Variants in CLSTN2 observed in about 807,000 individuals in gnomAD.
CLSTN2 encodes the protein calsyntenin-2.
In CLSTN2, 48 loss-of-function variants were observed where a neutral mutation model predicts 101.2. That is an observed-to-expected ratio of 0.47 (90% confidence interval 0.38 to 0.60). The LOEUF is 0.60. Ranked by LOEUF, CLSTN2 falls within the 20% of genes least tolerant of loss-of-function variation. The pLI is 0.00. For missense variants in CLSTN2, 1,160 were observed against 1,238.2 expected (o/e 0.94, Z 0.95); for synonymous variants, 481 against 463.6 (o/e 1.04, Z -0.48).
At chr3:140,292,578 C>T (rs938001221) in intron 2 of CLSTN2, among the ~76,000 whole-genome samples, 6 of 152,194 alleles carry the variant, frequency 3.9e-5, no homozygotes, top group African/African-American at 1.4e-4. Flanking sequence ...CCCAGCACTT[C>T]AGGCCTGTTA....
At chr3:140,401,959 C>A (rs943465289) in intron 2 of CLSTN2, among the ~76,000 whole-genome samples, 20 of 152,128 alleles carry the variant, frequency 1.3e-4, no homozygotes, top group African/African-American at 4.8e-4. Context: ...CTTACTGGAA[C>A]TGGGTCCATA....
At chr3:140,058,245 G>A (rs1176485939) in intron 1 of CLSTN2, among the ~76,000 whole-genome samples, 2 of 152,198 alleles carry the variant, frequency 1.3e-5, no homozygotes, top group African/African-American at 4.8e-5. Context: ...TAAATCCCAG[G>A]CAGTAGAGCA....
chr3:140,556,766 G>A (rs575200011), intron 11 of CLSTN2, 105 bp downstream of exon 11: 31 of 1,120,970 alleles, frequency 2.8e-5, no homozygotes, highest in African/African-American at 1.2e-4. Flanking sequence ...GTTGCCTTTC[G>A]TCAGCTGTCC....
chr3:140,175,395 T>G (rs530107043), intron 1 of CLSTN2, among the ~76,000 whole-genome samples: 1 of 152,248 alleles, frequency 6.6e-6, no homozygotes, highest in Admixed American at 6.5e-5. Context: ...CAAATATCTG[T>G]TTTATCTTTG....
At chr3:140,453,525 G>A (rs528066813) in intron 6 of CLSTN2, among the ~76,000 whole-genome samples, 3 of 152,270 alleles carry the variant, frequency 2.0e-5, no homozygotes, top group African/African-American at 4.8e-5. Flanking sequence ...AAAAGATCAT[G>A]TAGTTCTAGT....
At chr3:140,230,990 G>A (rs568327291) in intron 2 of CLSTN2, among the ~76,000 whole-genome samples, 1 of 152,262 alleles carries the variant, frequency 6.6e-6, no homozygotes. Context: ...GCAATAAAAG[G>A]TCTCAAACTT....
intron 1 of CLSTN2, among the ~76,000 whole-genome samples, chr3:140,115,485 C>T (rs2009226653): frequency 1.3e-5 from 2 of 152,126 alleles, no homozygotes; most frequent in Non-Finnish European, 2.9e-5. Context: ...GGCCTCACTC[C>T]CTGCTCTTCA....
chr3:140,063,836 A>G (rs1023481997), intron 1 of CLSTN2, among the ~76,000 whole-genome samples: 2 of 152,106 alleles, frequency 1.3e-5, no homozygotes, highest in Non-Finnish European at 2.9e-5. Context: ...GAAGGGGACT[A>G]ATAACTACTT....
intron 9 of CLSTN2, among the ~76,000 whole-genome samples, chr3:140,536,424 C>T (rs1222504503): frequency 6.6e-6 from 1 of 152,158 alleles, no homozygotes; most frequent in East Asian, 1.9e-4. Flanking sequence ...ATAGCATGAT[C>T]TAGTTTCTGT....
At chr3:140,448,312 A>C (rs996667829) in intron 5 of CLSTN2, among the ~76,000 whole-genome samples, 2 of 152,152 alleles carry the variant, frequency 1.3e-5, no homozygotes, top group South Asian at 4.1e-4. Context: ...AGCTGGGTGC[A>C]GTTTTCTGTG....
intron 1 of CLSTN2, among the ~76,000 whole-genome samples, chr3:139,988,650 A>G (rs1936067914): frequency 1.3e-5 from 2 of 152,140 alleles, no homozygotes; most frequent in Admixed American, 1.3e-4. Flanking sequence ...GTGGTTTGGA[A>G]GGCTTTCTGG....
At chr3:140,409,086 A>G (rs1033673556) in intron 4 of CLSTN2, among the ~76,000 whole-genome samples, 10 of 152,142 alleles carry the variant, frequency 6.6e-5, no homozygotes, top group African/African-American at 2.4e-4. Flanking sequence ...TCTAACTCCT[A>G]TTGGTGGCCC....
At chr3:140,008,675 G>A (rs936986944) in intron 1 of CLSTN2, among the ~76,000 whole-genome samples, 3 of 152,224 alleles carry the variant, frequency 2.0e-5, no homozygotes, top group Non-Finnish European at 4.4e-5. Context: ...GAGTTTCAAA[G>A]TTAACAGAAT....
At chr3:140,530,921 A>C (rs748947109) in intron 8 of CLSTN2, among the ~76,000 whole-genome samples, 2 of 152,162 alleles carry the variant, frequency 1.3e-5, no homozygotes, top group Non-Finnish European at 2.9e-5. Flanking sequence ...TTGCTTGGCT[A>C]TCCTTGATTG....
chr3:140,139,241 A>G (rs1294399167), intron 1 of CLSTN2, among the ~76,000 whole-genome samples: 1 of 152,172 alleles, frequency 6.6e-6, no homozygotes, highest in Non-Finnish European at 1.5e-5. Flanking sequence ...CTGGCCTCCT[A>G]AGCTACTAAG....
intron 1 of CLSTN2, among the ~76,000 whole-genome samples, chr3:139,942,066 C>T (rs1235176648): frequency 1.3e-5 from 2 of 152,178 alleles, no homozygotes; most frequent in Non-Finnish European, 2.9e-5. Context: ...TTCCCCTCTT[C>T]ACACAGGCTT....
chr3:140,501,007 T>C (rs1934564030), intron 8 of CLSTN2, among the ~76,000 whole-genome samples: 4 of 152,178 alleles, frequency 2.6e-5, no homozygotes, highest in Admixed American at 2.0e-4. Context: ...CTCTCACTTC[T>C]AGTTGAGTGT....
chr3:140,301,486 A>G (rs1457223092), intron 2 of CLSTN2, among the ~76,000 whole-genome samples: 2 of 152,200 alleles, frequency 1.3e-5, no homozygotes, highest in African/African-American at 4.8e-5. Flanking sequence ...CTGCTTTTAC[A>G]TTTGCTCTGT....
In CLSTN2 at chr3:140,460,201, A is replaced by G. The variant is rs559085092; in HGVS notation, c.1222+432A>G. The G allele has an allele frequency of 1.6e-5, 3 of 187,044 alleles. No individual in the cohort carries two copies. In the East Asian group the frequency reaches 3.7e-4, roughly 23 times the overall value. 11.6% of individuals were successfully genotyped at this position (187,044 alleles called of 1,614,324 possible). The stretch of plus-strand genomic sequence containing the variant: ...CTATCTTTTGAATAAAGTACTGCTA[A>G]TTTAGAATAGTAGTTTGAAAACCTC... On this transcript the variant is annotated intron_variant, in intron 7 of 16. Transcript: ENST00000458420.
Sources: allele counts gnomAD v4.1 joint callset (sites outside exome capture counted in the v4.1 genomes callset), GRCh38; gene constraint gnomAD v4.1.1; transcripts MANE v1.5; gene names NCBI Gene and HGNC (gene_info 2026-07-23, HGNC 2026-07-21).